LRP2: variants seen among roughly 807,000 people sequenced by gnomAD.
LRP2 encodes the protein LDL receptor related protein 2.
A neutral mutation model predicts 531.0 loss-of-function variants in LRP2; 172 were observed. That is an observed-to-expected ratio of 0.32 (90% CI 0.29 to 0.37). LRP2 has a LOEUF of 0.37. LRP2 is among the 10% of genes least tolerant of loss of function. The probability of loss-of-function intolerance (pLI) is 1.00; values close to 1 mark genes in which losing one functional copy is unlikely to be tolerated. For missense variants in LRP2, 5,167 were observed against 5,868.3 expected (o/e 0.88, Z 3.90); for synonymous variants, 1,992 against 2,027.6 (o/e 0.98, Z 0.47).
intron 1 of LRP2, among the ~76,000 whole-genome samples, chr2:169,347,394 T>C (rs954580450): frequency 3.3e-5 from 5 of 152,166 alleles, no homozygotes; most frequent in African/African-American, 1.2e-4. Flanking sequence ...GTAAAGAAAC[T>C]CAGCTCTCAC....
intron 9 of LRP2, among the ~76,000 whole-genome samples, chr2:169,285,368 T>TATAG (rs1465195032): frequency 6.6e-6 from 1 of 152,062 alleles, no homozygotes; most frequent in Non-Finnish European, 1.5e-5. Flanking sequence ...CTTGGATCAC[T>TATAG]ATAGAGGAAT....
intron 1 of LRP2, among the ~76,000 whole-genome samples, chr2:169,335,826 C>A (rs746806032): frequency 6.6e-6 from 1 of 152,028 alleles, no homozygotes; most frequent in Non-Finnish European, 1.5e-5. Context: ...CCAGCCTGGC[C>A]AGCATGGCAA....
At chr2:169,354,105 A>G (rs546841066) in intron 1 of LRP2, among the ~76,000 whole-genome samples, 1 of 152,340 alleles carries the variant, frequency 6.6e-6, no homozygotes, top group East Asian at 1.9e-4. Context: ...GCCCAAAGTG[A>G]CAAGCAAATC....
intron 1 of LRP2, among the ~76,000 whole-genome samples, chr2:169,322,143 G>A (rs1390437795): frequency 6.6e-6 from 1 of 151,954 alleles, no homozygotes; most frequent in Non-Finnish European, 1.5e-5. Flanking sequence ...TTCAATTTTT[G>A]GCTAATTAAC....
intron 12 of LRP2, 108 bp from the exon 13 acceptor site, chr2:169,278,059 G>C: frequency 1.2e-6 from 1 of 855,948 alleles, no homozygotes; most frequent in Non-Finnish European, 1.9e-6. Context: ...CAGCTGATTA[G>C]AGAACCACAG....
At position 169,242,994 on chromosome 2, in the gene LRP2, A is replaced by G. The variant is rs1689864141; in HGVS notation, c.3629T>C (p.Val1210Ala). 1 of 1,614,152 alleles carries G rather than the reference A, an allele frequency of 6.2e-7. No homozygotes were observed. Among genetic ancestry groups the G allele is most frequent in the Non-Finnish European group, 8.5e-7 (1 of 1,180,014 alleles). ...ATCCGAGTTGTCACTGCAATCAAAAACACCATCACAACGATTTGTGACGCC... is the reference window on the plus strand; with the variant it reads ...ATCCGAGTTGTCACTGCAATCAAAAGCACCATCACAACGATTTGTGACGCC... ...CIGVTNRCDG[V>A]FDCSDNSDEA... Residue 1210 changes from valine to alanine, a missense_variant, in exon 24 of 79, where the codon GTT becomes GCT. By Grantham distance (64) the Val-to-Ala change is moderately conservative. Coordinates refer to ENST00000649046, the MANE Select transcript of LRP2 (RefSeq NM_004525.3).
intron 62 of LRP2, among the ~76,000 whole-genome samples, chr2:169,164,278 A>G (rs1686697226): frequency 6.6e-6 from 1 of 152,244 alleles, no homozygotes; most frequent in African/African-American, 2.4e-5. Flanking sequence ...CTCCCAACCA[A>G]GAGGAACCAC....
At chr2:169,159,495 T>C (rs1036482161) in intron 63 of LRP2, among the ~76,000 whole-genome samples, 1 of 152,178 alleles carries the variant, frequency 6.6e-6, no homozygotes, top group African/African-American at 2.4e-5. Context: ...GAAAGTCTTA[T>C]AATAAAGATC....
intron 8 of LRP2, among the ~76,000 whole-genome samples, chr2:169,289,860 T>G (rs1683954898): frequency 6.6e-6 from 1 of 151,682 alleles, no homozygotes; most frequent in South Asian, 2.1e-4. Flanking sequence ...TTTAAGCTTT[T>G]TTAAATGGGC....
intron 9 of LRP2, among the ~76,000 whole-genome samples, chr2:169,288,091 C>T (rs1683905669): frequency 6.6e-6 from 1 of 152,046 alleles, no homozygotes; most frequent in Non-Finnish European, 1.5e-5. Flanking sequence ...CTTCCAGATG[C>T]CTTTTCCCAA....
At chr2:169,197,976 A>T (rs1688061657) in intron 45 of LRP2, among the ~76,000 whole-genome samples, 1 of 152,250 alleles carries the variant, frequency 6.6e-6, no homozygotes, top group Non-Finnish European at 1.5e-5. Context: ...GTATCTATTT[A>T]CACTAATAGT....
At chr2:169,275,339 T>C in intron 13 of LRP2, 101 bp from the exon 14 acceptor site, 1 of 874,560 alleles carries the variant, frequency 1.1e-6, no homozygotes, top group Non-Finnish European at 1.9e-6. Flanking sequence ...AGCTAAATAA[T>C]TTCTTGTCAC....
At chr2:169,245,075 A>G (rs903317513) in intron 21 of LRP2, 143 bp from the exon 22 acceptor site, 5 of 888,878 alleles carry the variant, frequency 5.6e-6, no homozygotes, top group Non-Finnish European at 8.9e-6. Context: ...TGATGTCATC[A>G]TCACTAACAT....
chr2:169,245,653 G>T (rs1689978148), intron 21 of LRP2, among the ~76,000 whole-genome samples: 1 of 151,512 alleles, frequency 6.6e-6, no homozygotes, highest in Admixed American at 6.6e-5. Flanking sequence ...TGTTTATTAG[G>T]CCCCAAACTA....
intron 76 of LRP2, among the ~76,000 whole-genome samples, chr2:169,134,256 CT>C (rs1685408400): frequency 6.6e-6 from 1 of 152,164 alleles, no homozygotes; most frequent in Non-Finnish European, 1.5e-5. Context: ...TCAACTCACT[CT>C]CTACAGTTCT....
At chr2:169,211,180 C>A (rs1574137659) in intron 37 of LRP2, among the ~76,000 whole-genome samples, 1 of 152,208 alleles carries the variant, frequency 6.6e-6, no homozygotes, top group African/African-American at 2.4e-5. Flanking sequence ...CTCTGATTCC[C>A]TTCTCCAGGT....
At chr2:169,150,686 A>T (rs1686085066) in intron 68 of LRP2, among the ~76,000 whole-genome samples, 1 of 152,168 alleles carries the variant, frequency 6.6e-6, no homozygotes, top group South Asian at 2.1e-4. Flanking sequence ...AGATTCTCAG[A>T]TGTGTTCTAA....
intron 24 of LRP2, 51 bp from the exon 25 acceptor site, chr2:169,241,416 C>T (rs768790423): frequency 8.1e-6 from 13 of 1,600,464 alleles, no homozygotes; most frequent in Middle Eastern, 1.7e-4. Flanking sequence ...TTTGTGATCC[C>T]TTTTATAGTC....
chr2:169,241,034 A>G lies in LRP2; in HGVS notation c.3999T>C (p.Asp1333=), dbSNP rs1574169660. The change falls in exon 25 of 79, where the codon GAT becomes GAC. Residue 1333 remains aspartate, a synonymous_variant. Coordinates refer to ENST00000649046, the MANE Select transcript of LRP2 (RefSeq NM_004525.3). ...NICVNLSVVC[D]GIFDCPNGTD... ...TCCCATTGGGGCAGTCAAAGATGCC[A>G]TCACACACTACACTCAGATTCACAC... 1 of 1,614,172 alleles carries G rather than the reference A, an allele frequency of 6.2e-7. No homozygotes were observed. Among genetic ancestry groups the G allele is most frequent in the Non-Finnish European group, 8.5e-7 (1 of 1,180,038 alleles).
Sources: gnomAD v4.1 joint callset for allele counts (sites outside exome capture counted in the v4.1 genomes callset) on GRCh38, gnomAD v4.1.1 for gene constraint, MANE v1.5 for transcripts, NCBI Gene and HGNC (gene_info 2026-07-23, HGNC 2026-07-21) for gene names.